MMEL1: variants seen among roughly 807,000 people sequenced by gnomAD.
MMEL1 encodes membrane metallo-endopeptidase-like 1.
A neutral mutation model predicts 117.1 loss-of-function variants in MMEL1; 98 were observed. The observed-to-expected ratio is 0.84, with a 90% CI of 0.71 to 0.99. MMEL1 has a LOEUF of 0.99. Among genes scored for constraint, MMEL1 ranks in the 50% least tolerant of loss-of-function variants. The pLI, the probability that MMEL1 is intolerant of heterozygous loss-of-function variation, is 0.00. For synonymous variants in MMEL1, 390 were observed against 415.1 expected, an observed-to-expected ratio of 0.94 and a Z score of 0.74; for missense variants, 1,014 against 1,049.1, an observed-to-expected ratio of 0.97 and a Z score of 0.46.
intron 19 of MMEL1, among the ~76,000 whole-genome samples, chr1:2,593,499 G>T (rs769342510): frequency 2.6e-4 from 39 of 152,346 alleles, no homozygotes; most frequent in Non-Finnish European, 5.3e-4. Flanking sequence ...TGGGATCTGG[G>T]CTTCGCTGCT....
At chr1:2,594,917 C>T in intron 16 of MMEL1, 24 bp from the exon 17 acceptor site, 1 of 1,593,910 alleles carries the variant, frequency 6.3e-7, no homozygotes, top group Non-Finnish European at 8.6e-7. Context: ...GCAGTCACTG[C>T]CAGATGCTGG....
Position 2,592,670 on chromosome 1 carries a change from C to T in MMEL1, c.2052G>A (p.Val684=). 6.3e-7 allele frequency: 1 copy of T among 1,584,964 alleles called. No individual in the cohort carries two copies. The highest frequency in any genetic ancestry group is 8.6e-7 in the Non-Finnish European group (1 of 1,167,216). ...CAGGCCCCACCTTATAGGCTTGCCGCACCCCTCCGTTGTCAGCAATGTTTT... is the reference window on the plus strand; with the variant it reads ...CAGGCCCCACCTTATAGGCTTGCCGTACCCCTCCGTTGTCAGCAATGTTTT... ...LGENIADNGG[V]RQAYKAYLKW... is the part of the protein sequence containing the mutation. Residue 684 remains valine, a synonymous_variant, in exon 21 of 24, where the codon GTG becomes GTA. Transcript: ENST00000378412.
At chr1:2,616,733 A>T (rs1645207242) in intron 2 of MMEL1, among the ~76,000 whole-genome samples, 1 of 152,240 alleles carries the variant, frequency 6.6e-6, no homozygotes, top group Admixed American at 6.5e-5. Context: ...GGACCCAAAC[A>T]GTGCCTCTGA....
chr1:2,616,659 T>C (rs1401774618), intron 2 of MMEL1, among the ~76,000 whole-genome samples: 3 of 152,116 alleles, frequency 2.0e-5, no homozygotes, highest in Non-Finnish European at 4.4e-5. Context: ...GAAGACCAGA[T>C]TGGTGGGCAG....
chr1:2,595,191 G>A lies in MMEL1; in HGVS notation c.1584+85C>T. On this transcript the variant is annotated intron_variant, in intron 16 of 23. Transcript: ENST00000378412. The surrounding 1 kb of genome is among the most constrained non-coding windows in gnomAD (Gnocchi z 4.8). ...TGTTAGCGCCTGGGAGGAGGGCACA[G>A]AGCTTGGCACAGAGGAGCCCCCAGG... 7.8e-7 allele frequency: 1 copy of A among 1,274,994 alleles called. No homozygotes were observed. The highest frequency in any genetic ancestry group is 2.3e-5 in the East Asian group (1 of 42,728). 79.0% of individuals were successfully genotyped at this position (1,274,994 alleles called of 1,614,324 possible). A position where few individuals can be genotyped will look rare whatever the true frequency, so the allele number is the denominator to read the frequency against.
rs771243542 is a variant in MMEL1 at position 2,591,587 on chromosome 1, T to G, written c.2210A>C (p.Lys737Thr). ...CTTCAGGGGACTGTGGACGTCTGTC[T>G]TGATGGATTGGATGGCGAACTCGGG... is the stretch of plus-strand genomic sequence containing the variant. ...YRPEFAIQSI[K>T]TDVHSPLKYR... Residue 737 changes from lysine (K) to threonine (T), a missense_variant, in exon 23 of 24, where the codon AAG (lysine) becomes ACG (threonine). Lys to Thr is a moderately conservative substitution (Grantham distance 78). Coordinates refer to ENST00000378412, the MANE Select transcript of MMEL1 (RefSeq NM_033467.4). The G allele has an allele frequency of 6.8e-6, 11 of 1,613,894 alleles. No individual in the cohort carries two copies. Among genetic ancestry groups the G allele is most frequent in the Non-Finnish European group, 8.5e-6 (10 of 1,179,918 alleles).
rs926180649 is a variant in MMEL1 at position 2,595,867 on chromosome 1, G to A, written c.1500+142C>T. The A allele has an allele frequency of 9.2e-6, 6 of 653,902 alleles. No homozygotes were observed. In the African/African-American group the frequency reaches 1.1e-4, roughly 12 times the overall value. The allele number at this position is 653,902 out of a possible 1,614,324, so 40.5% of individuals were successfully genotyped here. A position where few individuals can be genotyped will look rare whatever the true frequency, so the allele number is the denominator to read the frequency against. The stretch of plus-strand genomic sequence containing the variant: ...GTGGGGTCCTGTCTGCGCCTCCCGG[G>A]GCTGCCTTCTCCCCGTGGGGTCCTG... On this transcript the variant is annotated intron_variant, in intron 15 of 23. Transcript: ENST00000378412. The surrounding 1 kb of genome is among the most constrained non-coding windows in gnomAD (Gnocchi z 4.8).
At position 2,629,336 on chromosome 1, in the gene MMEL1, C is replaced by A. The variant is rs927596248; in HGVS notation, c.149G>T (p.Arg50Leu). The change falls in exon 2 of 24, where the codon CGC becomes CTC. Residue 50 changes from arginine to leucine, a missense_variant. Physicochemically the swap from Arg to Leu is moderately radical, Grantham distance 102. Coordinates refer to ENST00000378412, the MANE Select transcript of MMEL1 (RefSeq NM_033467.4). ...LVALGVLYADRRGKQLPRLAS... is the reference protein window; with the variant it reads ...LVALGVLYADLRGKQLPRLAS... Reference sequence around the variant, plus strand: ...GGCGGGGCACCCGCACTCACCTCTGCGGTCGGCGTAGAGGACACCCAAGGC... The same window carrying A: ...GGCGGGGCACCCGCACTCACCTCTGAGGTCGGCGTAGAGGACACCCAAGGC... The A allele has an allele frequency of 2.4e-5, 37 of 1,536,912 alleles. 1 individual carries two copies. Among genetic ancestry groups the A allele is most frequent in the Non-Finnish European group, 3.1e-5 (36 of 1,144,188 alleles).
At chr1:2,600,354 C>T (rs961802243) in intron 11 of MMEL1, among the ~76,000 whole-genome samples, 2 of 151,898 alleles carry the variant, frequency 1.3e-5, no homozygotes, top group Non-Finnish European at 2.9e-5. Context: ...AAATCCTGTC[C>T]AGTTCAGTAA....
chr1:2,615,968 CA>C (rs1387888688), intron 2 of MMEL1, among the ~76,000 whole-genome samples: 2 of 152,182 alleles, frequency 1.3e-5, no homozygotes, highest in African/African-American at 4.8e-5. Context: ...AACCATCCAG[CA>C]GCATCATAGT....
chr1:2,599,975 A>G (rs1434092668), intron 11 of MMEL1, among the ~76,000 whole-genome samples: 1 of 151,410 alleles, frequency 6.6e-6, no homozygotes, highest in Non-Finnish European at 1.5e-5. Flanking sequence ...CTTTTTTTTA[A>G]ATTTATTTTT....
intron 16 of MMEL1, 24 bp from the exon 17 acceptor site, chr1:2,594,917 C>G: frequency 1.3e-6 from 2 of 1,593,910 alleles, no homozygotes; most frequent in Non-Finnish European, 1.7e-6. Context: ...GCAGTCACTG[C>G]CAGATGCTGG....
intron 14 of MMEL1, 37 bp downstream of exon 14, chr1:2,596,524 G>C (rs770249848): frequency 3.1e-6 from 5 of 1,596,440 alleles, no homozygotes; most frequent in Non-Finnish European, 4.3e-6. Context: ...CCTGTGGAAG[G>C]CTGGCCCCGC....
rs1214540819 is a variant in MMEL1 at position 2,603,962 on chromosome 1, G to C, written c.963C>G (p.Pro321=). The stretch of plus-strand genomic sequence containing the variant: ...CGATGACGTCGTGTCTCTCCTCCTG[G>C]GGTACCGTGGCCTGTGCCGGGGATA... ...LETQLAKATV[P]QEERHDVIAL... The change falls in exon 11 of 24, where the codon CCC becomes CCG. Residue 321 remains proline (P), a synonymous_variant. Coordinates refer to ENST00000378412, the MANE Select transcript of MMEL1 (RefSeq NM_033467.4). 3 of 1,613,778 alleles carry C rather than the reference G, an allele frequency of 1.9e-6. No homozygotes were observed. In the South Asian group the frequency reaches 3.3e-5, roughly 18 times the overall value.
At position 2,611,174 on chromosome 1, in the gene MMEL1, C is replaced by G. The variant is rs933706660; in HGVS notation, c.292+107G>C. 5.3e-6 allele frequency: 6 copies of G among 1,133,510 alleles called. No homozygotes were observed. In the African/African-American group the frequency reaches 6.4e-5, roughly 12 times the overall value. The allele number at this position is 1,133,510 out of a possible 1,614,324, so 70.2% of individuals were successfully genotyped here. A position where few individuals can be genotyped will look rare whatever the true frequency, so the allele number is the denominator to read the frequency against. On this transcript the variant is annotated intron_variant, in intron 4 of 23. Transcript: ENST00000378412. The stretch of plus-strand genomic sequence containing the variant: ...CGGCCCACCCGGCTCCACCGCCCGC[C>G]GTGTCTTGGAGTTGCTTCCCTGGGC...
At position 2,612,003 on chromosome 1, in the gene MMEL1, G is replaced by A. The variant is rs1407774246; in HGVS notation, c.232+124C>T. On this transcript the variant is annotated intron_variant, in intron 3 of 23. Coordinates refer to ENST00000378412, the MANE Select transcript of MMEL1 (RefSeq NM_033467.4). The surrounding 1 kb of genome is among the most constrained non-coding windows in gnomAD (Gnocchi z 5.4). Reference sequence around the variant, plus strand: ...GTCCCTGCCACTGTCCTCTCCCCATGGCCCTCCTCCGGCACATGAGGGTTG... The same window carrying A: ...GTCCCTGCCACTGTCCTCTCCCCATAGCCCTCCTCCGGCACATGAGGGTTG... The A allele has an allele frequency of 1.2e-6, 1 of 828,184 alleles. No individual in the cohort carries two copies. Among genetic ancestry groups the A allele is most frequent in the Non-Finnish European group, 2.0e-6 (1 of 505,796 alleles). 51.3% of individuals were successfully genotyped at this position (828,184 alleles called of 1,614,324 possible).
In MMEL1 at chr1:2,596,537, G is replaced by A. The variant is rs772939933; in HGVS notation, c.1401+24C>T. On this transcript the variant is annotated intron_variant, in intron 14 of 23. Transcript: ENST00000378412. ...TCCCTGTGGAAGGCTGGCCCCGCGT[G>A]GGCCATGGATGAGGGGCGCCCACCA... is the stretch of plus-strand genomic sequence containing the variant. 4.4e-6 allele frequency: 7 copies of A among 1,603,624 alleles called. No individual in the cohort carries two copies. The African/African-American group carries it at 8.0e-5, about 18-fold the overall frequency.
chr1:2,616,771 T>C (rs1267878752), intron 2 of MMEL1, among the ~76,000 whole-genome samples: 2 of 152,204 alleles, frequency 1.3e-5, no homozygotes, highest in Non-Finnish European at 2.9e-5. Flanking sequence ...TAGTCAGATG[T>C]ATCCAGAACA....
intron 6 of MMEL1, among the ~76,000 whole-genome samples, chr1:2,608,966 AAC>A (rs1557542253): frequency 2.0e-5 from 3 of 151,994 alleles, no homozygotes; most frequent in Admixed American, 6.6e-5. Context: ...ATATACACAC[AAC>A]ACACACATAT....
Sources: allele counts gnomAD v4.1 joint callset (sites outside exome capture counted in the v4.1 genomes callset), GRCh38; gene constraint gnomAD v4.1.1; non-coding constraint Gnocchi (gnomAD v3.1); transcripts MANE v1.5; gene names NCBI Gene and HGNC (gene_info 2026-07-23, HGNC 2026-07-21).